Variants in DENND2B observed in about 807,000 individuals in gnomAD.
DENND2B encodes DENN domain containing 2B, also known as DENN domain-containing protein 2B.
In DENND2B, 32 loss-of-function variants were observed where a neutral mutation model predicts 116.0. The ratio of observed to expected loss-of-function variants is 0.28; its 90% CI spans 0.21 to 0.37. The LOEUF (loss-of-function observed/expected upper bound fraction) is 0.37. DENND2B is among the 10% of genes least tolerant of loss of function. The pLI is 1.00. For synonymous variants in DENND2B, 588 were observed against 583.9 expected, an observed-to-expected ratio of 1.01 and a Z score of -0.10; for missense variants, 1,276 against 1,477.7, an observed-to-expected ratio of 0.86 and a Z score of 2.24.
intron 4 of DENND2B, among the ~76,000 whole-genome samples, chr11:8,828,017 G>T (rs1290553158): frequency 6.6e-6 from 1 of 152,188 alleles, no homozygotes; most frequent in Non-Finnish European, 1.5e-5. Flanking sequence ...AGGAGACAGG[G>T]ACAAAAATGT....
intron 4 of DENND2B, among the ~76,000 whole-genome samples, chr11:8,824,715 G>A (rs2061906318): frequency 6.7e-6 from 1 of 150,258 alleles, no homozygotes; most frequent in African/African-American, 2.4e-5. Flanking sequence ...TGGAGACAGA[G>A]TCTTACTCTG....
intron 4 of DENND2B, among the ~76,000 whole-genome samples, chr11:8,826,253 G>A (rs1040565408): frequency 3.9e-5 from 6 of 152,034 alleles, no homozygotes; most frequent in South Asian, 2.1e-4. Flanking sequence ...CTGACCATCC[G>A]AGCTTTATCA....
In DENND2B at chr11:8,820,702, A is replaced by G. The variant is rs143948604; in HGVS notation, c.-114-9367T>C. The stretch of plus-strand genomic sequence containing the variant: ...TCTCTGCTATTTTCAATCCTAATCT[A>G]TGTTATTAAGAAATTAAGAAAACGA... On this transcript the variant is annotated intron_variant, in intron 4 of 6. Transcript: ENST00000524757. Among the ~76,000 whole-genome samples the G allele has an allele frequency of 2.4e-3, 361 of 152,308 alleles. 4 individuals carry two copies. Among genetic ancestry groups the G allele is most frequent in the African/African-American group, 8.4e-3 (348 of 41,558 alleles).
Position 8,787,655 on chromosome 11 carries a change from C to T in DENND2B, c.-26+22862G>A, listed in dbSNP as rs16905887. Among the ~76,000 whole-genome samples, 1,149 of 152,326 alleles carry T rather than the reference C, an allele frequency of 7.5e-3. 12 individuals carry two copies. Among genetic ancestry groups the T allele is most frequent in the African/African-American group, 0.025 (1,040 of 41,570 alleles). ...GGCAAGATAGTGAGAAATCATCCCA[C>T]GTCTAACGTCCATGGGCACAGACTC... On this transcript the variant is annotated intron_variant, in intron 1 of 19. Coordinates refer to ENST00000313726, the MANE Select transcript of DENND2B (RefSeq NM_213618.2).
chr11:8,839,429 A>AG (rs1294526316), intron 3 of DENND2B: 37 of 152,350 alleles, frequency 2.4e-4, no homozygotes, highest in African/African-American at 8.4e-4. Flanking sequence ...AAAGGGCTTC[A>AG]AATAGGATCC....
intron 1 of DENND2B, among the ~76,000 whole-genome samples, chr11:8,806,638 A>ACACACACACACACACACACC (rs1017645452): frequency 4.3e-4 from 65 of 151,012 alleles, no homozygotes; most frequent in Middle Eastern, 3.4e-3. Context: ...ACACACACAC[A>ACACACACACACACACACACC]CCCAGGAGAG....
intron 11 of DENND2B, 82 bp downstream of exon 11, chr11:8,710,753 GCACACACACA>G (rs56230708): frequency 0.018 from 15,234 of 828,944 alleles, 351 homozygotes; most frequent in African/African-American, 0.13. Context: ...TTGCAGAAGG[GCACACACACA>G]CACACACACA....
chr11:8,759,969 C>T (rs557560697), intron 1 of DENND2B, among the ~76,000 whole-genome samples: 1 of 152,326 alleles, frequency 6.6e-6, no homozygotes, highest in African/African-American at 2.4e-5. Context: ...ACCCTCAGCA[C>T]TTGTGTCTTC....
intron 2 of DENND2B, among the ~76,000 whole-genome samples, chr11:8,880,681 AGGT>A (rs2063895103): frequency 6.6e-6 from 1 of 152,154 alleles, no homozygotes; most frequent in Non-Finnish European, 1.5e-5. Context: ...TATCTCCTAG[AGGT>A]AGCAAGACTT....
chr11:8,843,972 T>G (rs1203077165), intron 3 of DENND2B, among the ~76,000 whole-genome samples: 1 of 152,240 alleles, frequency 6.6e-6, no homozygotes, highest in Non-Finnish European at 1.5e-5. Flanking sequence ...TCATACTCCA[T>G]TGTAAATGTC....
At chr11:8,771,252 C>T (rs2056791428) in intron 1 of DENND2B, among the ~76,000 whole-genome samples, 1 of 152,020 alleles carries the variant, frequency 6.6e-6, no homozygotes, top group Admixed American at 6.6e-5. Context: ...GGTTTTAGAG[C>T]AACTAGAGTG....
intron 1 of DENND2B, among the ~76,000 whole-genome samples, chr11:8,889,265 G>A (rs148538379): frequency 6.6e-6 from 1 of 152,218 alleles, no homozygotes; most frequent in African/African-American, 2.4e-5. Flanking sequence ...TGGACAGGTG[G>A]TTCCAAGATG....
In DENND2B at chr11:8,707,511, G is replaced by C. The variant is rs2042813146; in HGVS notation, c.2430+266C>G. Among the ~76,000 whole-genome samples the C allele has an allele frequency of 6.6e-6, 1 of 152,236 alleles. No homozygotes were observed. The highest frequency in any genetic ancestry group is 2.4e-5 in the African/African-American group (1 of 41,462). ...TCCCTGGGCGCTCCTGCTTCCCCAA[G>C]GACTCTGGCTCTGCCTAGGGCCCAG... On this transcript the variant is annotated intron_variant, in intron 12 of 19. Coordinates refer to ENST00000313726, the MANE Select transcript of DENND2B (RefSeq NM_213618.2). This position sits in a 1 kb window ranked among gnomAD's most constrained non-coding sequence, Gnocchi z 4.8.
intron 1 of DENND2B, among the ~76,000 whole-genome samples, chr11:8,885,414 G>A (rs1261330052): frequency 2.0e-5 from 3 of 152,214 alleles, no homozygotes; most frequent in East Asian, 3.9e-4. Flanking sequence ...TATGCAGAAA[G>A]GATATAAATT....
intron 7 of DENND2B, among the ~76,000 whole-genome samples, chr11:8,714,322 C>A (rs2044325259): frequency 6.6e-6 from 1 of 152,242 alleles, no homozygotes; most frequent in Non-Finnish European, 1.5e-5. Flanking sequence ...AAAAGATGGA[C>A]CCTGCCTCCA....
chr11:8,729,422 T>G (rs886114188), intron 3 of DENND2B, among the ~76,000 whole-genome samples: 2 of 152,170 alleles, frequency 1.3e-5, no homozygotes, highest in African/African-American at 4.8e-5. Flanking sequence ...AATCCCCTCT[T>G]GATATAGGCC....
intron 1 of DENND2B, chr11:8,766,673 G>GC (rs754865565): frequency 2.4e-5 from 31 of 1,288,182 alleles, no homozygotes; most frequent in East Asian, 2.2e-4. Context: ...CCAGCTATGC[G>GC]CCCCACCTCC....
intron 3 of DENND2B, among the ~76,000 whole-genome samples, chr11:8,841,579 G>A (rs929198514): frequency 1.3e-5 from 2 of 152,212 alleles, no homozygotes; most frequent in African/African-American, 2.4e-5. Context: ...GAGCCTGGGC[G>A]GTCGAGGCTG....
In DENND2B at chr11:8,729,936, G is replaced by A. The variant is rs2047814660; in HGVS notation, c.1340+14C>T. 1 of 1,612,782 alleles carries A rather than the reference G, an allele frequency of 6.2e-7. No individual in the cohort carries two copies. Among genetic ancestry groups the A allele is most frequent in the Non-Finnish European group, 8.5e-7 (1 of 1,179,262 alleles). ...CGGTATTCAGCTACAACACACCGGA[G>A]GGGCATGCATTACCTGCTCTGGGAC... On this transcript the variant is annotated intron_variant, in intron 3 of 19. Transcript: ENST00000313726.
Sources: gnomAD v4.1 joint callset for allele counts (sites outside exome capture counted in the v4.1 genomes callset) on GRCh38, gnomAD v4.1.1 for gene constraint, Gnocchi (gnomAD v3.1) non-coding constraint, MANE v1.5 for transcripts, NCBI Gene and HGNC (gene_info 2026-07-23, HGNC 2026-07-21) for gene names.